The following SGSM1 variants were observed in gnomAD, a reference collection of about 807,000 sequenced individuals.
The protein encoded by SGSM1 is RUN and TBC1 domain containing 2.
In SGSM1, 73 loss-of-function variants were observed where a neutral mutation model predicts 133.8. The observed-to-expected ratio is 0.55, with a 90% CI of 0.45 to 0.66. The LOEUF is 0.66. Among genes scored for constraint, SGSM1 ranks in the 30% least tolerant of loss-of-function variants. SGSM1 has a pLI of 0.00. For missense variants in SGSM1, 1,213 were observed against 1,448.1 expected (o/e 0.84, Z 2.64); for synonymous variants, 563 against 573.0 (o/e 0.98, Z 0.25).
intron 2 of SGSM1, among the ~76,000 whole-genome samples, chr22:24,833,355 T>C (rs1929230381): frequency 6.6e-6 from 1 of 152,042 alleles, no homozygotes; most frequent in Non-Finnish European, 1.5e-5. Flanking sequence ...TCTGAGATAG[T>C]AGTGTTAAGA....
chr22:24,871,536 A>G (rs541380493), intron 12 of SGSM1, among the ~76,000 whole-genome samples: 1 of 152,208 alleles, frequency 6.6e-6, no homozygotes, highest in South Asian at 2.1e-4. Flanking sequence ...ATCTTAACTC[A>G]TTCCATCCTC....
chr22:24,847,656 G>T lies in SGSM1; in HGVS notation c.162G>T (p.Leu54=). The T allele has an allele frequency of 6.2e-7, 1 of 1,613,652 alleles. No individual in the cohort carries two copies. Among genetic ancestry groups the T allele is most frequent in the Non-Finnish European group, 8.5e-7 (1 of 1,179,834 alleles). The change falls in exon 4 of 25, where the codon CTG becomes CTT. Residue 54 remains leucine (L), a synonymous_variant. Transcript: ENST00000400358. ...SFCAAVEACV[L]HGLRRRAAGF... ...CAGCGGCTGTGGAGGCCTGCGTTCT[G>T]CACGGGCTTCGGCGGCGGGCGGCTG...
At chr22:24,902,215 C>G (rs1905289445) in intron 20 of SGSM1, among the ~76,000 whole-genome samples, 1 of 152,182 alleles carries the variant, frequency 6.6e-6, no homozygotes, top group Non-Finnish European at 1.5e-5. Context: ...GTATTAACCC[C>G]TTTTATAGGT....
chr22:24,871,291 C>A (rs1931750399), intron 12 of SGSM1, among the ~76,000 whole-genome samples: 1 of 152,150 alleles, frequency 6.6e-6, no homozygotes, highest in Non-Finnish European at 1.5e-5. Flanking sequence ...TCTGCCACTG[C>A]GGTGTGGTTA....
At chr22:24,899,853 T>C (rs2123707564) in intron 19 of SGSM1, among the ~76,000 whole-genome samples, 1 of 152,228 alleles carries the variant, frequency 6.6e-6, no homozygotes, top group African/African-American at 2.4e-5. Context: ...TTTGTCCTTC[T>C]GTGCTGAATT....
chr22:24,806,343 G>C lies in SGSM1; in HGVS notation c.18G>C (p.Ala6=), dbSNP rs554885870. ...TCGGAGCCATGGCCTCGGCCCCCGC[G>C]GGTAAGAGGCCGCTGGACACGAGGG... MASAP[A]EAETRQRLLR... is the part of the protein sequence containing the mutation. The change falls in exon 1 of 25, where the codon GCG becomes GCC. Residue 6 remains alanine, a splice_region_variant and synonymous_variant. Coordinates refer to ENST00000400358, the MANE Select transcript of SGSM1 (RefSeq NM_001098497.3). 3 of 1,477,316 alleles carry C rather than the reference G, an allele frequency of 2.0e-6. No individual in the cohort carries two copies. The East Asian group carries it at 9.0e-5, about 44-fold the overall frequency. 91.5% of individuals were successfully genotyped at this position (1,477,316 alleles called of 1,614,324 possible).
chr22:24,902,553 G>A (rs1933205299), intron 20 of SGSM1, among the ~76,000 whole-genome samples: 1 of 152,068 alleles, frequency 6.6e-6, no homozygotes, highest in African/African-American at 2.4e-5. Flanking sequence ...GGACATAGTG[G>A]CATGCACTTG....
intron 16 of SGSM1, among the ~76,000 whole-genome samples, chr22:24,888,654 C>T (rs1197514759): frequency 2.0e-5 from 3 of 152,010 alleles, no homozygotes. Flanking sequence ...TGGCGGGCGC[C>T]TGTAGTCCCA....
intron 15 of SGSM1, among the ~76,000 whole-genome samples, chr22:24,884,538 C>G (rs1043046727): frequency 6.6e-6 from 1 of 152,330 alleles, no homozygotes; most frequent in African/African-American, 2.4e-5. Context: ...GGGTGGATCA[C>G]TTGAGGTCAG....
chr22:24,889,033 C>G (rs1601958540), intron 16 of SGSM1, among the ~76,000 whole-genome samples: 2 of 138,638 alleles, frequency 1.4e-5, no homozygotes, highest in South Asian at 4.7e-4. Context: ...GCAATCTCGG[C>G]TTACTACAAC....
At chr22:24,879,671 A>G (rs558391163) in intron 14 of SGSM1, 145 bp downstream of exon 14, 6 of 820,900 alleles carry the variant, frequency 7.3e-6, no homozygotes, top group South Asian at 1.8e-5. Flanking sequence ...GTGACGTTAC[A>G]TGAACTTCTC....
chr22:24,855,100 G>A (rs375343234), intron 6 of SGSM1, 37 bp downstream of exon 6: 22 of 1,597,124 alleles, frequency 1.4e-5, no homozygotes, highest in South Asian at 1.1e-4. Context: ...ATCTAGACCC[G>A]TGGTCTTGAG....
intron 23 of SGSM1, 42 bp from the exon 24 acceptor site, chr22:24,919,784 C>T (rs1933942352): frequency 6.2e-7 from 1 of 1,610,194 alleles, no homozygotes; most frequent in Non-Finnish European, 8.5e-7. Flanking sequence ...ACTGTGAGCC[C>T]CGTCACCAAT....
chr22:24,923,998 T>G (rs909360552), intron 24 of SGSM1, among the ~76,000 whole-genome samples, 188 bp from the exon 25 acceptor site: 1 of 152,154 alleles, frequency 6.6e-6, no homozygotes, highest in African/African-American at 2.4e-5. Flanking sequence ...GTGAGGTGGC[T>G]GCTGTTCCAA....
intron 3 of SGSM1, among the ~76,000 whole-genome samples, chr22:24,845,971 T>TCTC (rs1930107177): frequency 2.1e-5 from 3 of 141,996 alleles, no homozygotes; most frequent in Admixed American, 7.0e-5. Flanking sequence ...CTTTCTTTCT[T>TCTC]TCTTTCTTTC....
chr22:24,892,939 T>C (rs1215914158), intron 16 of SGSM1, among the ~76,000 whole-genome samples: 4 of 150,158 alleles, frequency 2.7e-5, no homozygotes, highest in Admixed American at 2.0e-4. Flanking sequence ...CGCATGCCTG[T>C]AGTCCCAGCT....
At chr22:24,861,442 A>T (rs1001565002) in intron 9 of SGSM1, among the ~76,000 whole-genome samples, 1 of 152,072 alleles carries the variant, frequency 6.6e-6, no homozygotes, top group Admixed American at 6.5e-5. Context: ...TGGGCAGGAC[A>T]ATTGGTCCTG....
At chr22:24,838,289 G>A (rs1929585030) in intron 2 of SGSM1, among the ~76,000 whole-genome samples, 1 of 152,192 alleles carries the variant, frequency 6.6e-6, no homozygotes, top group Non-Finnish European at 1.5e-5. Flanking sequence ...AAGGAAGAAG[G>A]GTTTAATTGG....
chr22:24,868,761 G>A lies in SGSM1; in HGVS notation c.1197G>A (p.Gln399=). 2.5e-6 allele frequency: 4 copies of A among 1,614,034 alleles called. No individual in the cohort carries two copies. The South Asian group carries it at 4.4e-5, about 18-fold the overall frequency. ...CTAAACTGCGCAAGCGAAGCCCTCA[G>A]GGTTCTGCCGAGTCCACATCTTCAG... ...VFPKLRKRSP[Q]GSAESTSSDK... The change falls in exon 12 of 25, where the codon CAG becomes CAA. Residue 399 remains glutamine (Q), a synonymous_variant. Coordinates refer to ENST00000400358, the MANE Select transcript of SGSM1 (RefSeq NM_001098497.3).
Sources: allele counts gnomAD v4.1 joint callset (sites outside exome capture counted in the v4.1 genomes callset), GRCh38; gene constraint gnomAD v4.1.1; transcripts MANE v1.5; gene names NCBI Gene and HGNC (gene_info 2026-07-23, HGNC 2026-07-21).